ACTR3B: variants seen among roughly 807,000 people sequenced by gnomAD.
ACTR3B encodes the protein actin related protein 3B.
ACTR3B carries 8 observed loss-of-function variants against 59.0 expected under a neutral mutation model. The ratio of observed to expected loss-of-function variants is 0.14; its 90% CI spans 0.08 to 0.24. The LOEUF (loss-of-function observed/expected upper bound fraction) is 0.24, where lower values mean the gene tolerates loss of function less well. Among genes scored for constraint, ACTR3B ranks in the 10% least tolerant of loss-of-function variants. The pLI, the probability that ACTR3B is intolerant of heterozygous loss-of-function variation, is 1.00. For missense variants in ACTR3B, 245 were observed against 552.3 expected (o/e 0.44, Z 5.58); for synonymous variants, 148 against 197.9 (o/e 0.75, Z 2.12).
intron 9 of ACTR3B, among the ~76,000 whole-genome samples, chr7:152,847,283 C>T (rs899790210): frequency 2.0e-5 from 3 of 152,180 alleles, no homozygotes; most frequent in Admixed American, 6.5e-5. Flanking sequence ...GTTTTCTTCG[C>T]GTCTGTAGCT....
At chr7:152,782,979 A>C (rs1162059249) in intron 1 of ACTR3B, among the ~76,000 whole-genome samples, 1 of 150,846 alleles carries the variant, frequency 6.6e-6, no homozygotes, top group African/African-American at 2.4e-5. Flanking sequence ...AAACAAGCAT[A>C]ATATTTTAAG....
chr7:152,824,598 G>C lies in ACTR3B; in HGVS notation c.859-432G>C, dbSNP rs1324729402. Among the ~76,000 whole-genome samples, 1 of 152,170 alleles carries C rather than the reference G, an allele frequency of 6.6e-6. No homozygotes were observed. The highest frequency in any genetic ancestry group is 1.5e-5 in the Non-Finnish European group (1 of 68,024). On this transcript the variant is annotated intron_variant, in intron 8 of 11. Coordinates refer to ENST00000256001, the MANE Select transcript of ACTR3B (RefSeq NM_020445.6). The surrounding 1 kb of genome is among the most constrained non-coding windows in gnomAD (Gnocchi z 4.2). Reference sequence around the variant, plus strand: ...CACTTCCCTGCATCTTCTAGACCAGGTTTAATTAATCTTTCATTGAACCTA... The same window carrying C: ...CACTTCCCTGCATCTTCTAGACCAGCTTTAATTAATCTTTCATTGAACCTA...
At chr7:152,775,510 A>G (rs2098134229) in intron 1 of ACTR3B, among the ~76,000 whole-genome samples, 1 of 152,160 alleles carries the variant, frequency 6.6e-6, no homozygotes, top group Non-Finnish European at 1.5e-5. Context: ...CTGTAATCCC[A>G]GCACTTTGGG....
chr7:152,801,672 A>T lies in ACTR3B; in HGVS notation c.277A>T (p.Met93Leu), dbSNP rs766014081. 1 of 1,527,236 alleles carries T rather than the reference A, an allele frequency of 6.5e-7. No individual in the cohort carries two copies. Among genetic ancestry groups the T allele is most frequent in the Non-Finnish European group, 8.9e-7 (1 of 1,125,450 alleles). The allele number at this position is 1,527,236 out of a possible 1,614,324, so 94.6% of individuals were successfully genotyped here. ...AGACTGGGATCTTATGGAAAGGTTC[A>T]TGGAGCAAGTGGTTTTTAAATATCT... ...IEDWDLMERF[M>L]EQVVFKYLRA... Residue 93 changes from methionine to leucine, a missense_variant, in exon 4 of 12, where the codon ATG becomes TTG. Around this residue, in one of 7 missense-constraint regions of ACTR3B, gnomAD observed 11 missense variants for 82.1 expected, o/e 0.13. Transcript: ENST00000256001.
At chr7:152,806,133 C>A (rs1400769114) in intron 4 of ACTR3B, among the ~76,000 whole-genome samples, 2 of 152,218 alleles carry the variant, frequency 1.3e-5, no homozygotes, top group African/African-American at 2.4e-5. Flanking sequence ...GAGAAAAAAA[C>A]CCAGAAAAAC....
intron 6 of ACTR3B, among the ~76,000 whole-genome samples, chr7:152,818,106 T>C (rs2116840901): frequency 6.6e-6 from 1 of 152,336 alleles, no homozygotes; most frequent in East Asian, 1.9e-4. Flanking sequence ...TGCAGAGCAC[T>C]CACGGAGAAC....
At chr7:152,789,201 G>A (rs1399931239) in intron 2 of ACTR3B, among the ~76,000 whole-genome samples, 2 of 151,420 alleles carry the variant, frequency 1.3e-5, no homozygotes, top group African/African-American at 2.4e-5. Flanking sequence ...ACCAGCCTTG[G>A]CAACATAGTG....
intron 4 of ACTR3B, among the ~76,000 whole-genome samples, chr7:152,803,958 A>G (rs1042575155): frequency 6.6e-6 from 1 of 152,180 alleles, no homozygotes; most frequent in African/African-American, 2.4e-5. Context: ...AAGGGGAGTG[A>G]ACCAGGTGGA....
intron 9 of ACTR3B, among the ~76,000 whole-genome samples, chr7:152,835,191 C>T (rs929279018): frequency 2.6e-5 from 4 of 152,182 alleles, no homozygotes; most frequent in Non-Finnish European, 2.9e-5. Context: ...TGGGCTGAGC[C>T]GCTTCCTAGC....
In ACTR3B at chr7:152,768,095, C is replaced by T. The variant is rs567298796; in HGVS notation, c.44+8169C>T. On this transcript the variant is annotated intron_variant, in intron 1 of 11. Coordinates refer to ENST00000256001, the MANE Select transcript of ACTR3B (RefSeq NM_020445.6). ...AAAATTAGCTGGGCGTGGTGGCACA[C>T]GCCTGTAATCCCAGCTACATGGGAG... is the stretch of plus-strand genomic sequence containing the variant. 4.8e-4 allele frequency among the ~76,000 whole-genome samples: 73 copies of T among 152,316 alleles called. 1 individual carries two copies. The highest frequency in any genetic ancestry group is 1.6e-3 in the African/African-American group (65 of 41,566).
intron 9 of ACTR3B, among the ~76,000 whole-genome samples, chr7:152,849,044 C>T (rs1033016785): frequency 5.3e-5 from 8 of 152,272 alleles, no homozygotes; most frequent in South Asian, 2.1e-4. Flanking sequence ...CTCCCTGTGG[C>T]GAGGGGCGTC....
intron 6 of ACTR3B, among the ~76,000 whole-genome samples, chr7:152,819,894 G>A (rs550147099): frequency 5.9e-5 from 9 of 152,194 alleles, no homozygotes; most frequent in East Asian, 5.8e-4. Flanking sequence ...ACTTTTAAAC[G>A]TAAGTAGATT....
chr7:152,801,927 C>A lies in ACTR3B; in HGVS notation c.336+196C>A, dbSNP rs374352682. Among the ~76,000 whole-genome samples, 9 of 150,380 alleles carry A rather than the reference C, an allele frequency of 6.0e-5. No individual in the cohort carries two copies. The East Asian group carries it at 1.8e-3, about 30-fold the overall frequency. On this transcript the variant is annotated intron_variant, in intron 4 of 11. Coordinates refer to ENST00000256001, the MANE Select transcript of ACTR3B (RefSeq NM_020445.6). ...GCTTGTTAGCTCACCAAACAGGAAG[C>A]CCAAGTGAGGCAGCTCTAGGGCTGT...
intron 9 of ACTR3B, among the ~76,000 whole-genome samples, chr7:152,847,900 G>T (rs1033706314): frequency 6.6e-6 from 1 of 152,134 alleles, no homozygotes; most frequent in South Asian, 2.1e-4. Flanking sequence ...AATGATGCGC[G>T]TTTCTTCCCG....
At chr7:152,773,597 A>G (rs1201739933) in intron 1 of ACTR3B, among the ~76,000 whole-genome samples, 1 of 152,172 alleles carries the variant, frequency 6.6e-6, no homozygotes, top group Non-Finnish European at 1.5e-5. Context: ...AAAAAAAAGC[A>G]AAAGGATGGT....
intron 4 of ACTR3B, among the ~76,000 whole-genome samples, chr7:152,805,639 G>A (rs1420702259): frequency 1.3e-5 from 2 of 151,974 alleles, no homozygotes; most frequent in African/African-American, 4.8e-5. Context: ...ATTGCGTTAT[G>A]TCCTAGTTTC....
At chr7:152,799,779 CAA>C (rs1356187089) in intron 2 of ACTR3B, among the ~76,000 whole-genome samples, 1 of 152,140 alleles carries the variant, frequency 6.6e-6, no homozygotes, top group Non-Finnish European at 1.5e-5. Context: ...TGGGAGAGCT[CAA>C]GAGTGTGAGC....
intron 6 of ACTR3B, among the ~76,000 whole-genome samples, chr7:152,818,031 G>C (rs568061454): frequency 6.6e-6 from 1 of 152,248 alleles, no homozygotes; most frequent in Non-Finnish European, 1.5e-5. Flanking sequence ...CTCTAGACTT[G>C]AGCCCCCTTC....
At chr7:152,834,042 G>A (rs998245275) in intron 9 of ACTR3B, among the ~76,000 whole-genome samples, 8 of 151,688 alleles carry the variant, frequency 5.3e-5, no homozygotes, top group Non-Finnish European at 1.2e-4. Context: ...GATGAGCAGA[G>A]TGCATGATTT....
Sources: allele counts gnomAD v4.1 joint callset (sites outside exome capture counted in the v4.1 genomes callset), GRCh38; gene constraint gnomAD v4.1.1; regional missense constraint gnomAD v4.1.1; non-coding constraint Gnocchi (gnomAD v3.1); transcripts MANE v1.5; gene names NCBI Gene and HGNC (gene_info 2026-07-23, HGNC 2026-07-21).